The following FHL3 variants were observed in gnomAD, a reference collection of about 807,000 sequenced individuals.
The protein encoded by FHL3 is four and a half LIM domains protein 3.
A neutral mutation model predicts 34.3 loss-of-function variants in FHL3; 21 were observed. The observed-to-expected ratio is 0.61, with a 90% CI of 0.43 to 0.88. The LOEUF (loss-of-function observed/expected upper bound fraction) is 0.88. Ranked by LOEUF, FHL3 falls within the 40% of genes least tolerant of loss-of-function variation. The pLI is 0.00. For synonymous variants in FHL3, 137 were observed against 144.6 expected (o/e 0.95, Z 0.38); for missense variants, 333 against 373.7 (o/e 0.89, Z 0.90).
chr1:37,998,165 T>C lies in FHL3; in HGVS notation c.332-33A>G, dbSNP rs369957166. ...GAACAGGGGTCCCATTTAGAGGTTG[T>C]GTCCCATGCTCCTGAGGGCCACCCT... On this transcript the variant is annotated intron_variant, in intron 3 of 5. Coordinates refer to ENST00000373016, the MANE Select transcript of FHL3 (RefSeq NM_004468.5). 1.9e-5 allele frequency: 30 copies of C among 1,606,398 alleles called. No individual in the cohort carries two copies. In the African/African-American group the frequency reaches 3.9e-4, roughly 21 times the overall value.
At position 37,997,671 on chromosome 1, in the gene FHL3, A is replaced by G. The variant is rs200788145; in HGVS notation, c.688+13T>C. On this transcript the variant is annotated intron_variant, in intron 5 of 5. Transcript: ENST00000373016. This position sits in a 1 kb window ranked among gnomAD's most constrained non-coding sequence, Gnocchi z 4.3. ...TGCACCCTACCCACTCCGTTCTTTG[A>G]CCCTTGTCCCACCTACGATGGGGCG... 5.2e-5 allele frequency: 84 copies of G among 1,613,482 alleles called. No individual in the cohort carries two copies. In the Middle Eastern group the frequency reaches 1.3e-3, roughly 25 times the overall value.
At chr1:37,998,941 G>A in intron 3 of FHL3, 33 bp downstream of exon 3, 1 of 1,605,080 alleles carries the variant, frequency 6.2e-7, no homozygotes, top group Non-Finnish European at 8.5e-7. Flanking sequence ...GCAGATGCCA[G>A]TTCTCACACA....
Position 37,996,915 on chromosome 1 carries a change from C to T in FHL3, c.*490G>A, listed in dbSNP as rs1646539254. On this transcript the variant is annotated 3_prime_UTR_variant, in exon 6 of 6. Coordinates refer to ENST00000373016, the MANE Select transcript of FHL3 (RefSeq NM_004468.5). ...GGCAGCACCCTGTACCCTAGGGCCC[C>T]TTATCAGTGGGCTCCTGATCTGCTG... The T allele has an allele frequency of 6.5e-6, 1 of 154,894 alleles. No homozygotes were observed. The allele number at this position is 154,894 out of a possible 1,614,324, so 9.6% of individuals were successfully genotyped here.
chr1:38,000,514 C>T (rs556303521), intron 1 of FHL3, among the ~76,000 whole-genome samples: 1 of 152,194 alleles, frequency 6.6e-6, no homozygotes, highest in South Asian at 2.1e-4. Flanking sequence ...CCAATCAGGC[C>T]CCATCTTGGG....
At position 38,005,381 on chromosome 1, in the gene FHL3, G is replaced by A. The variant is rs1212733626; in HGVS notation, c.-45C>T. 5 of 149,456 alleles carry A rather than the reference G, an allele frequency of 3.3e-5. No individual in the cohort carries two copies. The highest frequency in any genetic ancestry group is 1.2e-4 in the African/African-American group (5 of 41,258). The allele number at this position is 149,456 out of a possible 1,614,324, so 9.3% of individuals were successfully genotyped here. A position where few individuals can be genotyped will look rare whatever the true frequency, so the allele number is the denominator to read the frequency against. ...CCTCGAAGCGGGCGGCGGGAGCGGG[G>A]AGCGCGCGGCGCAGGCGGGGCCGGG... On this transcript the variant is annotated 5_prime_UTR_variant, in exon 1 of 6. Coordinates refer to ENST00000373016, the MANE Select transcript of FHL3 (RefSeq NM_004468.5).
At chr1:38,001,385 T>C in intron 1 of FHL3, among the ~76,000 whole-genome samples, 1 of 152,214 alleles carries the variant, frequency 6.6e-6, no homozygotes. Context: ...CTTGGCCCAC[T>C]GCGGCTGCCA....
At position 37,997,621 on chromosome 1, in the gene FHL3, C is replaced by T; in HGVS notation, c.689-62G>A. The T allele has an allele frequency of 6.2e-7, 1 of 1,612,068 alleles. No homozygotes were observed. On this transcript the variant is annotated intron_variant, in intron 5 of 5. Transcript: ENST00000373016. The surrounding 1 kb of genome is among the most constrained non-coding windows in gnomAD (Gnocchi z 4.3). ...GGATGGTCCGGCCCTCAACCTCACC[C>T]AATACCACATCCCACTCCCTTGCCT... is the stretch of plus-strand genomic sequence containing the variant.
In FHL3 at chr1:37,997,803, C is replaced by T. The variant is rs1473811486; in HGVS notation, c.569G>A (p.Gly190Glu). The change falls in exon 5 of 6, where the codon GGA becomes GAA. Residue 190 changes from glycine (G) to glutamate (E), a missense_variant. Gly to Glu is a moderately conservative substitution (Grantham distance 98). Coordinates refer to ENST00000373016, the MANE Select transcript of FHL3 (RefSeq NM_004468.5). This position sits in a 1 kb window ranked among gnomAD's most constrained non-coding sequence, Gnocchi z 4.3. ...PWHRECLVCT[G>E]CQTPLAGQQF... ...CTGCCCTGCCAGGGGCGTCTGGCATCCGGTACAGACCAGACATTCTCGATG... is the reference window on the plus strand; with the variant it reads ...CTGCCCTGCCAGGGGCGTCTGGCATTCGGTACAGACCAGACATTCTCGATG... 6.2e-7 allele frequency: 1 copy of T among 1,614,018 alleles called. No homozygotes were observed. Among genetic ancestry groups the T allele is most frequent in the Non-Finnish European group, 8.5e-7 (1 of 1,179,998 alleles).
chr1:38,005,137 G>A (rs2148732812), intron 1 of FHL3, among the ~76,000 whole-genome samples: 1 of 151,614 alleles, frequency 6.6e-6, no homozygotes, highest in South Asian at 2.1e-4. Flanking sequence ...AACTCTCGCT[G>A]CCGCCCCCGC....
rs1290318175 is a variant in FHL3 at position 37,999,374 on chromosome 1, G to A, written c.39C>T (p.Ser13=). 6.2e-7 allele frequency: 1 copy of A among 1,614,102 alleles called. No individual in the cohort carries two copies. The highest frequency in any genetic ancestry group is 2.2e-5 in the East Asian group (1 of 44,906). Residue 13 remains serine, a synonymous_variant, in exon 2 of 6, where the codon TCC becomes TCT. Coordinates refer to ENST00000373016, the MANE Select transcript of FHL3 (RefSeq NM_004468.5). ...ESFDCAKCNE[S]LYGRKYIQTD... ...TCTGGATGTACTTGCGTCCATACAGGGACTCGTTGCATTTTGCACAGTCAA... is the reference window on the plus strand; with the variant it reads ...TCTGGATGTACTTGCGTCCATACAGAGACTCGTTGCATTTTGCACAGTCAA...
Position 37,996,826 on chromosome 1 carries a change from C to G in FHL3, c.*579G>C, listed in dbSNP as rs1256601094. On this transcript the variant is annotated 3_prime_UTR_variant, in exon 6 of 6. Coordinates refer to ENST00000373016, the MANE Select transcript of FHL3 (RefSeq NM_004468.5). ...AGGGGGATGAGCCAATCTCACCCCT[C>G]TGCCCATCTATGGGCAAAATGGAGC... is the stretch of plus-strand genomic sequence containing the variant. 1 of 153,798 alleles carries G rather than the reference C, an allele frequency of 6.5e-6. No individual in the cohort carries two copies. Among genetic ancestry groups the G allele is most frequent in the Non-Finnish European group, 1.5e-5 (1 of 68,944 alleles). 9.5% of individuals were successfully genotyped at this position (153,798 alleles called of 1,614,324 possible). A position where few individuals can be genotyped will look rare whatever the true frequency, so the allele number is the denominator to read the frequency against.
At chr1:37,999,652 C>T (rs1441326357) in intron 1 of FHL3, among the ~76,000 whole-genome samples, 1 of 152,174 alleles carries the variant, frequency 6.6e-6, no homozygotes, top group African/African-American at 2.4e-5. Flanking sequence ...GGAAAAAAAC[C>T]AGGAAGCAGA....
chr1:37,997,756 C>A lies in FHL3; in HGVS notation c.616G>T (p.Asp206Tyr). 8 of 1,614,170 alleles carry A rather than the reference C, an allele frequency of 5.0e-6. No individual in the cohort carries two copies. Among genetic ancestry groups the A allele is most frequent in the Non-Finnish European group, 5.9e-6 (7 of 1,180,020 alleles). ...CCAAAACAGGCCACACAGTAGGGAT[C>A]TTCATCCCGGGAGGTGAACTGCTGC... ...AGQQFTSRDEDPYCVACFGEL... is the reference protein window; with the variant it reads ...AGQQFTSRDEYPYCVACFGEL... Residue 206 changes from aspartate to tyrosine, a missense_variant, in exon 5 of 6, where the codon GAT becomes TAT. Transcript: ENST00000373016. The surrounding 1 kb of genome is among the most constrained non-coding windows in gnomAD (Gnocchi z 4.3).
chr1:37,997,902 G>A lies in FHL3; in HGVS notation c.502-32C>T. On this transcript the variant is annotated intron_variant, in intron 4 of 5. Transcript: ENST00000373016. This position sits in a 1 kb window ranked among gnomAD's most constrained non-coding sequence, Gnocchi z 4.3. The stretch of plus-strand genomic sequence containing the variant: ...GGGCAGCATCCATTAGTAGGTATGA[G>A]TGGGGATTCCCACCCCACAACAGGC... 6.2e-7 allele frequency: 1 copy of A among 1,613,806 alleles called. No individual in the cohort carries two copies. The highest frequency in any genetic ancestry group is 8.5e-7 in the Non-Finnish European group (1 of 1,179,786).
At position 37,997,417 on chromosome 1, in the gene FHL3, C is replaced by G. The variant is rs1471029547; in HGVS notation, c.831G>C (p.Gln277His). The change falls in exon 6 of 6, where the codon CAG becomes CAC. Residue 277 changes from glutamine to histidine, a missense_variant. Coordinates refer to ENST00000373016, the MANE Select transcript of FHL3 (RefSeq NM_004468.5). The surrounding 1 kb of genome is among the most constrained non-coding windows in gnomAD (Gnocchi z 4.3). ...GDQVLCQGCS[Q>H]AGP is the part of the protein sequence containing the mutation. ...CAGGAGCCCTGGCTTAGGGCCCTGC[C>G]TGGCTACAGCCCTGGCAGAGCACTT... The G allele has an allele frequency of 6.2e-7, 1 of 1,613,904 alleles. No homozygotes were observed. Among genetic ancestry groups the G allele is most frequent in the Non-Finnish European group, 8.5e-7 (1 of 1,179,874 alleles).
chr1:38,004,905 A>G (rs1270964690), intron 1 of FHL3, among the ~76,000 whole-genome samples: 3 of 151,624 alleles, frequency 2.0e-5, no homozygotes, highest in Non-Finnish European at 4.4e-5. Context: ...AAAGCCTAGG[A>G]CGGCCCCCAT....
At chr1:38,001,651 G>A (rs917255124) in intron 1 of FHL3, among the ~76,000 whole-genome samples, 3 of 152,208 alleles carry the variant, frequency 2.0e-5, no homozygotes, top group Admixed American at 6.5e-5. Flanking sequence ...AAGGGAGCCA[G>A]CCTTGTATTC....
At chr1:38,004,134 C>T (rs1447677965) in intron 1 of FHL3, among the ~76,000 whole-genome samples, 9 of 152,164 alleles carry the variant, frequency 5.9e-5, no homozygotes, top group Non-Finnish European at 1.3e-4. Context: ...TCTGCTCTCC[C>T]CCATGTGGCC....
chr1:37,998,026 A>T lies in FHL3; in HGVS notation c.438T>A (p.Gly146=), dbSNP rs202242166. ...CATAGCAGGGCACGCAGTAGTGAGC[A>T]CCCTTGTCGGGCACAAAAGAACGGG... ...LGSRSFVPDK[G]AHYCVPCYEN... The change falls in exon 4 of 6, where the codon GGT becomes GGA. Residue 146 remains glycine (G), a synonymous_variant. Coordinates refer to ENST00000373016, the MANE Select transcript of FHL3 (RefSeq NM_004468.5). The T allele has an allele frequency of 4.0e-4, 641 of 1,614,028 alleles. 7 individuals are homozygous for T. In the South Asian group the frequency reaches 6.0e-3, roughly 15 times the overall value.
Sources: gnomAD v4.1 joint callset for allele counts (sites outside exome capture counted in the v4.1 genomes callset) on GRCh38, gnomAD v4.1.1 for gene constraint, Gnocchi (gnomAD v3.1) non-coding constraint, MANE v1.5 for transcripts, NCBI Gene and HGNC (gene_info 2026-07-23, HGNC 2026-07-21) for gene names.